The following COL5A3 variants were observed in gnomAD, a reference collection of about 807,000 sequenced individuals.
The protein encoded by COL5A3 is collagen type V alpha 3 chain, also known as collagen alpha-3(V) chain.
COL5A3 carries 172 observed loss-of-function variants against 250.0 expected under a neutral mutation model. The observed-to-expected ratio is 0.69, with a 90% confidence interval of 0.61 to 0.78. The LOEUF (loss-of-function observed/expected upper bound fraction) is 0.78. COL5A3 is among the 30% of genes least tolerant of loss of function. The pLI is 0.00. For missense variants in COL5A3, 2,340 were observed against 2,334.4 expected (o/e 1.00, Z -0.05); for synonymous variants, 937 against 900.4 (o/e 1.04, Z -0.73).
At position 9,974,342 on chromosome 19, in the gene COL5A3, C is replaced by A; in HGVS notation, c.3409G>T (p.Val1137Phe). The A allele has an allele frequency of 6.2e-7, 1 of 1,612,876 alleles. No individual in the cohort carries two copies. Among genetic ancestry groups the A allele is most frequent in the Non-Finnish European group, 8.5e-7 (1 of 1,179,450 alleles). Reference sequence around the variant, plus strand: ...CCAATCACCCCCACAAAGCCTCTGACTCCGTCATCTCCTTTCTGCCCAAAG... The same window carrying A: ...CCAATCACCCCCACAAAGCCTCTGAATCCGTCATCTCCTTTCTGCCCAAAG... ...GLFGQKGDDG[V>F]RGFVGVIGPP... The change falls in exon 46 of 67, where the codon GTC becomes TTC. Residue 1137 changes from valine to phenylalanine, a missense_variant. By Grantham distance (50) the Val-to-Phe change is conservative. Transcript: ENST00000264828.
chr19:9,968,727 C>G lies in COL5A3; in HGVS notation c.4154G>C (p.Gly1385Ala), dbSNP rs1158773711. ...CTTCAGCCCTGGGAGGCCAGAGGGCCCCTGGGAGAAGAGCAAGGGTCAGTT... is the reference window on the plus strand; with the variant it reads ...CTTCAGCCCTGGGAGGCCAGAGGGCGCCTGGGAGAAGAGCAAGGGTCAGTT... ...PGQMGPPGPL[G>A]PSGLPGLKGD... Residue 1385 changes from glycine to alanine, a missense_variant and splice_region_variant, in exon 58 of 67, where the codon GGG (glycine) becomes GCG (alanine). Gly to Ala is a moderately conservative substitution (Grantham distance 60). This residue lies in a region of COL5A3 where 1,179 missense variants were observed against 1,162.6 expected (regional missense o/e 1.01). Coordinates refer to ENST00000264828, the MANE Select transcript of COL5A3 (RefSeq NM_015719.4). This position sits in a 1 kb window ranked among gnomAD's most constrained non-coding sequence, Gnocchi z 4.1. 1 of 1,607,130 alleles carries G rather than the reference C, an allele frequency of 6.2e-7. No homozygotes were observed. The highest frequency in any genetic ancestry group is 1.7e-5 in the Admixed American group (1 of 58,150).
chr19:9,966,680 C>G lies in COL5A3; in HGVS notation c.4525G>C (p.Val1509Leu). ...RRFVPVPLPV[V>L]EGGLEEVLAS... The stretch of plus-strand genomic sequence containing the variant: ...AGCACCTCCTCCAGGCCGCCCTCCA[C>G]GACTGGAAGCGGGACTGGGACGAAG... The change falls in exon 63 of 67, where the codon GTG becomes CTG. Residue 1509 changes from valine to leucine, a missense_variant. Around this residue, in one of 3 missense-constraint regions of COL5A3, gnomAD observed 1,179 missense variants for 1,162.6 expected, o/e 1.01. Coordinates refer to ENST00000264828, the MANE Select transcript of COL5A3 (RefSeq NM_015719.4). 6.5e-7 allele frequency: 1 copy of G among 1,538,510 alleles called. No homozygotes were observed. The highest frequency in any genetic ancestry group is 8.7e-7 in the Non-Finnish European group (1 of 1,147,618).
chr19:9,960,278 T>A lies in COL5A3; in HGVS notation c.*133A>T, dbSNP rs889129. 940,042 of 1,097,548 alleles carry A rather than the reference T, an allele frequency of 0.86. 403,611 individuals are homozygous for A. The highest frequency in any genetic ancestry group is 0.88 in the Non-Finnish European group (670,315 of 765,136). The allele number at this position is 1,097,548 out of a possible 1,614,324, so 68.0% of individuals were successfully genotyped here. On this transcript the variant is annotated 3_prime_UTR_variant, in exon 67 of 67. Coordinates refer to ENST00000264828, the MANE Select transcript of COL5A3 (RefSeq NM_015719.4). ...CCCTGGAAAGGAGAAGGAATGACTG[T>A]CCGTGATGAGCGAAGTCACATCCCA...
At chr19:9,974,278 C>T (rs1354205558) in intron 46 of COL5A3, 23 bp downstream of exon 46, 16 of 1,610,194 alleles carry the variant, frequency 9.9e-6, no homozygotes, top group African/African-American at 1.3e-5. Context: ...TCAGAAGTGC[C>T]ACCCCCAAAC....
At chr19:10,010,256 G>C in intron 1 of COL5A3, 42 bp downstream of exon 1, 1 of 1,281,178 alleles carries the variant, frequency 7.8e-7, no homozygotes, top group Non-Finnish European at 1.0e-6. Context: ...GAGCCTCTCT[G>C]AGTCGTGGAC....
At chr19:9,977,947 C>CATACATATATATATATATAT (rs1555736344) in intron 41 of COL5A3, among the ~76,000 whole-genome samples, 5 of 106,140 alleles carry the variant, frequency 4.7e-5, no homozygotes, top group Non-Finnish European at 2.0e-5. Context: ...GCAGCCTATA[C>CATACATATATATATATATAT]ATATATATAT....
At chr19:10,000,452 CTTT>C (rs576119335) in intron 8 of COL5A3, among the ~76,000 whole-genome samples, 840 of 62,684 alleles carry the variant, frequency 0.013, 16 homozygotes, top group African/African-American at 0.055. Flanking sequence ...CCAGAGAGCT[CTTT>C]TTTTTTTTTT....
In COL5A3 at chr19:9,972,273, TCACC is replaced by T. The variant is rs530334443; in HGVS notation, c.3774+642_3774+645del. On this transcript the variant is annotated intron_variant, in intron 51 of 66. Transcript: ENST00000264828. ...TTCATTTTTCCATTAATTCACTCAT[TCACC>T]CATTCATTCCCTCGTTCATCCATTC... Among the ~76,000 whole-genome samples the T allele has an allele frequency of 2.6e-5, 4 of 152,336 alleles. No individual in the cohort carries two copies. In the South Asian group the frequency reaches 8.3e-4, roughly 32 times the overall value.
chr19:9,999,175 C>A (rs2087318032), intron 8 of COL5A3, among the ~76,000 whole-genome samples: 1 of 119,354 alleles, frequency 8.4e-6, no homozygotes, highest in Non-Finnish European at 1.7e-5. Context: ...TTCCTTCCTT[C>A]TCTTGCTTGC....
chr19:9,974,500 G>A lies in COL5A3; in HGVS notation c.3343-92C>T, dbSNP rs1455347140. ...GGGTCAAGACTGAGGTTAAGGGTTGGAGTCAGGGTTCAGATTAAGTTTAGA... is the reference window on the plus strand; with the variant it reads ...GGGTCAAGACTGAGGTTAAGGGTTGAAGTCAGGGTTCAGATTAAGTTTAGA... On this transcript the variant is annotated intron_variant, in intron 45 of 66. Coordinates refer to ENST00000264828, the MANE Select transcript of COL5A3 (RefSeq NM_015719.4). 4.2e-6 allele frequency: 4 copies of A among 954,852 alleles called. No homozygotes were observed. The African/African-American group carries it at 5.0e-5, about 12-fold the overall frequency. The allele number at this position is 954,852 out of a possible 1,614,324, so 59.1% of individuals were successfully genotyped here.
At chr19:9,993,529 G>C in intron 18 of COL5A3, 90 bp downstream of exon 18, 1 of 1,575,032 alleles carries the variant, frequency 6.3e-7, no homozygotes, top group Non-Finnish European at 8.7e-7. Context: ...GGGACACAGG[G>C]ATCATGACTC....
rs750522433 is a variant in COL5A3 at position 9,960,874 on chromosome 19, G to A, written c.4868C>T (p.Ala1623Val). ...RRGKKFSYVD[A>V]DGSPVNVVQL... ...CACGACATTCACTGGGGACCCGTCG[G>A]CGTCCACGTAGGAGAACTGGTGAGA... is the stretch of plus-strand genomic sequence containing the variant. The change falls in exon 66 of 67, where the codon GCC (alanine) becomes GTC (valine). Residue 1623 changes from alanine (A) to valine (V), a missense_variant. Around this residue, in one of 3 missense-constraint regions of COL5A3, gnomAD observed 1,179 missense variants for 1,162.6 expected, o/e 1.01. Coordinates refer to ENST00000264828, the MANE Select transcript of COL5A3 (RefSeq NM_015719.4). The A allele has an allele frequency of 1.2e-6, 2 of 1,606,542 alleles. No homozygotes were observed. The highest frequency in any genetic ancestry group is 4.5e-5 in the East Asian group (2 of 44,874).
chr19:9,995,983 A>T, intron 15 of COL5A3, 83 bp downstream of exon 15: 1 of 1,306,212 alleles, frequency 7.7e-7, no homozygotes, highest in Non-Finnish European at 1.0e-6. Flanking sequence ...CCCCTTTGGC[A>T]CTTTCCCCAT....
chr19:9,997,093 A>C lies in COL5A3; in HGVS notation c.1263+278T>G. On this transcript the variant is annotated intron_variant, in intron 11 of 66. Transcript: ENST00000264828. ...AGAGACCAACAGAGAGAGACAGAAG[A>C]GAGACAGAGACAGAGTCACAACAGG... The C allele has an allele frequency of 1.4e-5, 8 of 562,280 alleles. 2 individuals carry two copies. The South Asian group carries it at 1.7e-4, about 12-fold the overall frequency. The allele number at this position is 562,280 out of a possible 1,614,324, so 34.8% of individuals were successfully genotyped here. A position where few individuals can be genotyped will look rare whatever the true frequency, so the allele number is the denominator to read the frequency against.
intron 53 of COL5A3, 99 bp from the exon 54 acceptor site, chr19:9,970,774 T>C: frequency 9.9e-6 from 11 of 1,112,706 alleles, no homozygotes; most frequent in Non-Finnish European, 1.2e-5. Context: ...TCCCCAAGCC[T>C]CACCCCAGCA....
Position 9,968,700 on chromosome 19 carries a change from C to T in COL5A3, c.4181G>A (p.Gly1394Glu). The change falls in exon 58 of 67, where the codon GGA becomes GAA. Residue 1394 changes from glycine to glutamate, a missense_variant. Around this residue, in one of 3 missense-constraint regions of COL5A3, gnomAD observed 1,179 missense variants for 1,162.6 expected, o/e 1.01. Coordinates refer to ENST00000264828, the MANE Select transcript of COL5A3 (RefSeq NM_015719.4). This position sits in a 1 kb window ranked among gnomAD's most constrained non-coding sequence, Gnocchi z 4.1. The stretch of plus-strand genomic sequence containing the variant: ...CTTTTCCCCCTTGGGGCCAGTGTCT[C>T]CCTTCAGCCCTGGGAGGCCAGAGGG... ...LGPSGLPGLK[G>E]DTGPKGEKGH... 2.5e-6 allele frequency: 4 copies of T among 1,605,226 alleles called. No homozygotes were observed. The highest frequency in any genetic ancestry group is 3.4e-6 in the Non-Finnish European group (4 of 1,177,326).
chr19:9,996,347 C>G (rs191965866), intron 13 of COL5A3, 85 bp from the exon 14 acceptor site: 1 of 1,550,670 alleles, frequency 6.4e-7, no homozygotes, highest in Non-Finnish European at 8.7e-7. Flanking sequence ...AGAAAAATAA[C>G]CCCCTTCTCC....
Position 9,968,457 on chromosome 19 carries a change from C to A in COL5A3, c.4242G>T (p.Pro1414=), listed in dbSNP as rs537422545. 2.5e-6 allele frequency: 4 copies of A among 1,587,950 alleles called. No homozygotes were observed. Among genetic ancestry groups the A allele is most frequent in the Non-Finnish European group, 3.4e-6 (4 of 1,173,472 alleles). Residue 1414 remains proline, a synonymous_variant, in exon 59 of 67, where the codon CCG becomes CCT. Transcript: ENST00000264828. This position sits in a 1 kb window ranked among gnomAD's most constrained non-coding sequence, Gnocchi z 4.1. Reference sequence around the variant, plus strand: ...GATCTCCTTTCTCACCAGCTTCTCCCGGGGGGCCAATGAGACCGATCAATC... The same window carrying A: ...GATCTCCTTTCTCACCAGCTTCTCCAGGGGGGCCAATGAGACCGATCAATC... ...HIGLIGLIGP[P]GEAGEKGDQG...
Position 9,979,895 on chromosome 19 carries a change from G to A in COL5A3, c.2659-3C>T, listed in dbSNP as rs2086982621. On this transcript the variant is annotated splice_polypyrimidine_tract_variant and splice_region_variant and intron_variant, in intron 36 of 66. Transcript: ENST00000264828. ...CGCCCATCTTTACCTTGGTGACCCT[G>A]GGGGATGAGGTGGGAAAAAGTTGGG... The A allele has an allele frequency of 6.4e-7, 1 of 1,571,232 alleles. No individual in the cohort carries two copies. The highest frequency in any genetic ancestry group is 8.6e-7 in the Non-Finnish European group (1 of 1,166,022).
Sources: allele counts gnomAD v4.1 joint callset (sites outside exome capture counted in the v4.1 genomes callset), GRCh38; gene constraint gnomAD v4.1.1; regional missense constraint gnomAD v4.1.1; non-coding constraint Gnocchi (gnomAD v3.1); transcripts MANE v1.5; gene names NCBI Gene and HGNC (gene_info 2026-07-23, HGNC 2026-07-21).